NBPF26: variants seen among roughly 807,000 people sequenced by gnomAD.
The protein encoded by NBPF26 is NBPF family member NBPF26.
NBPF26 carries 79 observed loss-of-function variants against 119.6 expected under a neutral mutation model. The ratio of observed to expected loss-of-function variants is 0.66; its 90% confidence interval spans 0.55 to 0.80. The LOEUF (loss-of-function observed/expected upper bound fraction) is 0.80, where lower values mean the gene tolerates loss of function less well. Ranked by LOEUF, NBPF26 falls within the 30% of genes least tolerant of loss-of-function variation. The probability of loss-of-function intolerance (pLI) is 0.00; values close to 1 mark genes in which losing one functional copy is unlikely to be tolerated. For missense variants in NBPF26, 800 were observed against 1,198.2 expected (o/e 0.67, Z 4.91); for synonymous variants, 299 against 457.7 (o/e 0.65, Z 4.43).
intron 2 of NBPF26, among the ~76,000 whole-genome samples, chr1:120,778,266 C>A (rs1247479659): frequency 5.8e-5 from 3 of 52,016 alleles, no homozygotes; most frequent in Non-Finnish European, 9.5e-5. Context: ...CAGCTCCCCC[C>A]TCTAGAGCTC....
chr1:120,769,253 CT>C (rs1651232660), intron 2 of NBPF26, among the ~76,000 whole-genome samples: 3 of 151,680 alleles, frequency 2.0e-5, no homozygotes, highest in African/African-American at 7.3e-5. Flanking sequence ...CGCAATGGTT[CT>C]GTTGTGGTGC....
Position 120,745,894 on chromosome 1 carries a change from T to A in NBPF26, c.74-17734T>A, listed in dbSNP as rs1650983597. On this transcript the variant is annotated intron_variant, in intron 1 of 29. Transcript: ENST00000620612. ...AGTCAGTGGCAGTACAAAGACAAGA[T>A]GACTGACTTTTTTTTTTTTTTGAGA... is the stretch of plus-strand genomic sequence containing the variant. 2.7e-4 allele frequency among the ~76,000 whole-genome samples: 11 copies of A among 40,876 alleles called. 3 individuals carry two copies. In the South Asian group the frequency reaches 5.6e-3, roughly 21 times the overall value. 26.8% of individuals were successfully genotyped at this position (40,876 alleles called of 152,430 possible). A position where few individuals can be genotyped will look rare whatever the true frequency, so the allele number is the denominator to read the frequency against.
At chr1:120,781,800 T>G (rs1293539838) in intron 2 of NBPF26, among the ~76,000 whole-genome samples, 1 of 117,124 alleles carries the variant, frequency 8.5e-6, no homozygotes, top group Admixed American at 8.3e-5. Context: ...CCTGGTGATC[T>G]GCCTGCCTCG....
chr1:120,814,695 A>T (rs1651966107), intron 11 of NBPF26, 134 bp from the exon 12 acceptor site: 5 of 642,154 alleles, frequency 7.8e-6, no homozygotes, highest in Non-Finnish European at 1.1e-5. Context: ...GGCCACAGAC[A>T]TTCCTTTAAA....
chr1:120,812,953 A>C (rs1651908061), intron 10 of NBPF26, among the ~76,000 whole-genome samples: 1 of 118,182 alleles, frequency 8.5e-6, no homozygotes, highest in East Asian at 2.1e-4. Context: ...AATAATAATA[A>C]TAATAAATAA....
In NBPF26 at chr1:120,793,737, C is replaced by T. The variant is rs1308927226; in HGVS notation, c.751+241C>T. The stretch of plus-strand genomic sequence containing the variant: ...AGTGGCTAGAAAATTGTTTATTGTC[C>T]CTTTTGTAGAAACAGTGAGAAATAA... On this transcript the variant is annotated intron_variant, in intron 4 of 29. Coordinates refer to ENST00000620612, the Ensembl canonical transcript of NBPF26. 82 of 726,592 alleles carry T rather than the reference C, an allele frequency of 1.1e-4. 17 individuals are homozygous for T. Among genetic ancestry groups the T allele is most frequent in the South Asian group, 4.5e-4 (30 of 66,246 alleles). 45.0% of individuals were successfully genotyped at this position (726,592 alleles called of 1,614,324 possible).
At chr1:120,790,711 T>G (rs1651483109) in intron 3 of NBPF26, among the ~76,000 whole-genome samples, 1 of 111,430 alleles carries the variant, frequency 9.0e-6, no homozygotes, top group South Asian at 2.6e-4. Context: ...GTGATTCTTG[T>G]GCCTCAGCCT....
At chr1:120,830,714 A>AT in intron 20 of NBPF26, 126 bp downstream of exon 24, 5 of 142,524 alleles carry the variant, frequency 3.5e-5, no homozygotes, top group Non-Finnish European at 6.2e-5. Flanking sequence ...CTATGGGCGC[A>AT]TATAGGTTGT....
At chr1:120,778,522 A>T (rs1184015311) in intron 2 of NBPF26, among the ~76,000 whole-genome samples, 1 of 85,814 alleles carries the variant, frequency 1.2e-5, no homozygotes, top group Admixed American at 1.2e-4. Flanking sequence ...CTGTTTTGTA[A>T]AGCATGCCTC....
chr1:120,770,161 C>G (rs1439656338), intron 2 of NBPF26, among the ~76,000 whole-genome samples: 2 of 98,698 alleles, frequency 2.0e-5, no homozygotes, highest in East Asian at 4.6e-4. Flanking sequence ...ATGAAGAGGA[C>G]ATAGTTTTTT....
At chr1:120,825,113 A>G (rs1652231551) in intron 18 of NBPF26, among the ~76,000 whole-genome samples, 196 bp downstream of exon 19, 1 of 122,042 alleles carries the variant, frequency 8.2e-6, no homozygotes, top group African/African-American at 4.6e-5. Flanking sequence ...GTAACTTACT[A>G]TAGGTTGACC....
At chr1:120,814,521 A>G (rs1306768268) in intron 11 of NBPF26, among the ~76,000 whole-genome samples, 2 of 115,946 alleles carry the variant, frequency 1.7e-5, no homozygotes, top group East Asian at 2.0e-4. Flanking sequence ...GGAAATGTCC[A>G]TGGCCAGAGT....
chr1:120,724,010 G>C, exon 1 of NBPF26: 1 of 1,224,966 alleles, frequency 8.2e-7, no homozygotes, highest in Non-Finnish European at 1.0e-6. Flanking sequence ...GCGGGGAGTC[G>C]AGGCATTTGC....
At chr1:120,810,226 C>G (rs1651825091) in intron 8 of NBPF26, 121 bp from the exon 9 acceptor site, 1 of 1,215,108 alleles carries the variant, frequency 8.2e-7, no homozygotes, top group Admixed American at 2.0e-5. Flanking sequence ...TTAAGGGAAC[C>G]TCCGTTTTGC....
At chr1:120,792,576 A>C (rs2101470530) in intron 3 of NBPF26, among the ~76,000 whole-genome samples, 1 of 109,500 alleles carries the variant, frequency 9.1e-6, no homozygotes, top group East Asian at 2.2e-4. Flanking sequence ...ATCTCGGCTC[A>C]CTGCAACCTC....
intron 2 of NBPF26, among the ~76,000 whole-genome samples, chr1:120,781,591 T>G: frequency 2.5e-5 from 1 of 40,732 alleles, no homozygotes; most frequent in Non-Finnish European, 4.0e-5. Flanking sequence ...TGAGAGGGAG[T>G]CTCGCTCTGT....
chr1:120,784,316 C>A lies in NBPF26; in HGVS notation c.156-658C>A, dbSNP rs1250330778. Among the ~76,000 whole-genome samples, 3 of 116,702 alleles carry A rather than the reference C, an allele frequency of 2.6e-5. 1 individual carries two copies. Among genetic ancestry groups the A allele is most frequent in the Non-Finnish European group, 4.9e-5 (3 of 60,906 alleles). The allele number at this position is 116,702 out of a possible 152,430, so 76.6% of individuals were successfully genotyped here. On this transcript the variant is annotated intron_variant, in intron 2 of 29. Transcript: ENST00000620612. ...TTGTACCTCATATGTAAGTATTATC[C>A]CATTTAGAGGAAAACCCTAAGTCTT... is the stretch of plus-strand genomic sequence containing the variant.
Position 120,812,075 on chromosome 1 carries a change from C to A in NBPF26, c.1754C>A (p.Ala585Asp). The A allele has an allele frequency of 4.0e-6, 5 of 1,251,140 alleles. 2 individuals are homozygous for A. The highest frequency in any genetic ancestry group is 4.4e-6 in the Non-Finnish European group (4 of 910,478). The allele number at this position is 1,251,140 out of a possible 1,614,324, so 77.5% of individuals were successfully genotyped here. Reference sequence around the variant, plus strand: ...CTAACTCAACTGGCCGGCTTCCTGGCCAACCAGCAGAACAAATACAGTAAG... The same window carrying A: ...CTAACTCAACTGGCCGGCTTCCTGGACAACCAGCAGAACAAATACAGTAAG... The change falls in exon 10 of 30, where the codon GCC (alanine) becomes GAC (aspartate). Residue 585 changes from alanine to aspartate, a missense_variant. Coordinates refer to ENST00000620612, the Ensembl canonical transcript of NBPF26.
At chr1:120,806,609 C>A (rs1357743124) in intron 5 of NBPF26, among the ~76,000 whole-genome samples, 1 of 124,046 alleles carries the variant, frequency 8.1e-6, no homozygotes, top group East Asian at 2.0e-4. Context: ...ACAAACAAAA[C>A]GATAAATAAA....
Sources: gnomAD v4.1 joint callset for allele counts (sites outside exome capture counted in the v4.1 genomes callset) on GRCh38, gnomAD v4.1.1 for gene constraint, MANE v1.5 for transcripts, NCBI Gene and HGNC (gene_info 2026-07-23, HGNC 2026-07-21) for gene names.